The following NNT variants were observed in gnomAD, a reference collection of about 807,000 sequenced individuals.
The protein encoded by NNT is NAD(P) transhydrogenase, mitochondrial.
A neutral mutation model predicts 104.8 loss-of-function variants in NNT; 50 were observed. That is an observed-to-expected ratio of 0.48 (90% confidence interval 0.38 to 0.60). The LOEUF (loss-of-function observed/expected upper bound fraction) is 0.60, where lower values mean the gene tolerates loss of function less well. Among genes scored for constraint, NNT ranks in the 20% least tolerant of loss-of-function variants. The probability of loss-of-function intolerance (pLI) is 0.00; values close to 1 mark genes in which losing one functional copy is unlikely to be tolerated. For synonymous variants in NNT, 461 were observed against 490.4 expected (o/e 0.94, Z 0.79); for missense variants, 1,131 against 1,330.7 (o/e 0.85, Z 2.33).
At chr5:43,652,527 AT>A (rs35863403) in intron 13 of NNT, among the ~76,000 whole-genome samples, 5,768 of 143,232 alleles carry the variant, frequency 0.04, 227 homozygotes, top group African/African-American at 0.11. Flanking sequence ...TGAATGAACA[AT>A]TTTTTTTTTT....
At chr5:43,668,244 G>T (rs1276469233) in intron 17 of NNT, among the ~76,000 whole-genome samples, 5 of 138,326 alleles carry the variant, frequency 3.6e-5, no homozygotes, top group African/African-American at 8.0e-5. Context: ...TCTGATGGTG[G>T]TTTTTTTTTT....
intron 3 of NNT, 96 bp downstream of exon 3, chr5:43,613,233 T>C (rs1749596568): frequency 1.1e-6 from 1 of 931,108 alleles, no homozygotes; most frequent in Non-Finnish European, 1.6e-6. Flanking sequence ...GTTACACCTT[T>C]TCCTATTTTC....
At chr5:43,679,520 C>T (rs1741592187) in intron 19 of NNT, among the ~76,000 whole-genome samples, 1 of 151,958 alleles carries the variant, frequency 6.6e-6, no homozygotes, top group Non-Finnish European at 1.5e-5. Context: ...TGTAGTGTAG[C>T]TTGAAGGAAG....
At chr5:43,679,164 C>T (rs1741574561) in intron 19 of NNT, among the ~76,000 whole-genome samples, 1 of 152,036 alleles carries the variant, frequency 6.6e-6, no homozygotes, top group Non-Finnish European at 1.5e-5. Flanking sequence ...TTTTTAAAGC[C>T]ATCATTTTGC....
intron 7 of NNT, 130 bp from the exon 8 acceptor site, chr5:43,644,062 G>C (rs1004685282): frequency 1.3e-6 from 1 of 792,384 alleles, no homozygotes; most frequent in Non-Finnish European, 2.0e-6. Context: ...ATGGTCTTTA[G>C]GGGTCTCTTG....
At chr5:43,613,310 T>G (rs937431773) in intron 3 of NNT, 173 bp downstream of exon 3, 8 of 583,510 alleles carry the variant, frequency 1.4e-5, no homozygotes, top group Non-Finnish European at 1.8e-5. Context: ...AGTAAAACTT[T>G]TATCAGACAA....
rs1444156109 is a variant in NNT at position 43,700,208 on chromosome 5, A to G, written c.2966A>G (p.Glu989Gly). 1.2e-6 allele frequency: 2 copies of G among 1,613,432 alleles called. No homozygotes were observed. The highest frequency in any genetic ancestry group is 1.7e-6 in the Non-Finnish European group (2 of 1,179,594). Residue 989 changes from glutamate (E) to glycine (G), a missense_variant, in exon 20 of 22, where the codon GAA (glutamate) becomes GGA (glycine). Coordinates refer to ENST00000344920, the MANE Select transcript of NNT (RefSeq NM_182977.3). ...EAGVPYDIVL[E>G]MDEINHDFPD... ...GGTGTGCCATATGACATTGTGTTGG[A>G]AATGGATGAGATCAACCATGATTTT...
At chr5:43,649,376 C>T in intron 11 of NNT, 68 bp downstream of exon 11, 2 of 1,536,942 alleles carry the variant, frequency 1.3e-6, no homozygotes, top group South Asian at 1.2e-5. Flanking sequence ...GGAGGACTAT[C>T]AATGCCGTTT....
intron 19 of NNT, among the ~76,000 whole-genome samples, chr5:43,689,458 A>C (rs552183610): frequency 2.6e-5 from 4 of 152,166 alleles, no homozygotes; most frequent in African/African-American, 9.7e-5. Flanking sequence ...TGGTCATGAA[A>C]TCCTCACCTA....
chr5:43,685,315 G>A (rs1741926025), intron 19 of NNT, among the ~76,000 whole-genome samples: 1 of 152,108 alleles, frequency 6.6e-6, no homozygotes, highest in Admixed American at 6.6e-5. Flanking sequence ...TATTGGGAAG[G>A]CAGAATTCCA....
intron 7 of NNT, among the ~76,000 whole-genome samples, chr5:43,641,698 CTT>C (rs1751249094): frequency 6.6e-6 from 1 of 151,932 alleles, no homozygotes; most frequent in African/African-American, 2.4e-5. Flanking sequence ...TCTTGTGTGA[CTT>C]AAGTAAAATT....
intron 19 of NNT, among the ~76,000 whole-genome samples, chr5:43,684,107 G>A (rs902813479): frequency 1.3e-5 from 2 of 152,154 alleles, no homozygotes; most frequent in African/African-American, 4.8e-5. Flanking sequence ...GATGGAAAAT[G>A]TGACTGTAGC....
At chr5:43,666,732 C>G in intron 17 of NNT, 2 of 1,190,330 alleles carry the variant, frequency 1.7e-6, no homozygotes, top group Non-Finnish European at 2.3e-6. Flanking sequence ...GGGGGTCGCA[C>G]CAGTCCTTCT....
chr5:43,680,856 T>C (rs1046158194), intron 19 of NNT, among the ~76,000 whole-genome samples: 1 of 152,078 alleles, frequency 6.6e-6, no homozygotes, highest in Non-Finnish European at 1.5e-5. Context: ...TCTAAAAGGA[T>C]TTTATGACAA....
At chr5:43,604,086 A>C (rs1749077197) in intron 1 of NNT, among the ~76,000 whole-genome samples, 1 of 152,168 alleles carries the variant, frequency 6.6e-6, no homozygotes, top group African/African-American at 2.4e-5. Context: ...CCGTGACACC[A>C]GTGGCTTTGG....
chr5:43,676,692 A>C (rs983955499), intron 18 of NNT, among the ~76,000 whole-genome samples: 17 of 152,214 alleles, frequency 1.1e-4, no homozygotes, highest in Non-Finnish European at 2.4e-4. Flanking sequence ...AAAGATGTAG[A>C]GGACACAATC....
intron 19 of NNT, among the ~76,000 whole-genome samples, chr5:43,699,638 G>A (rs2112244521): frequency 6.6e-6 from 1 of 152,224 alleles, no homozygotes; most frequent in South Asian, 2.1e-4. Context: ...ACAGGCATTA[G>A]CCACCATGCC....
At chr5:43,616,125 C>T in intron 4 of NNT, 60 bp downstream of exon 4, 4 of 1,304,752 alleles carry the variant, frequency 3.1e-6, no homozygotes, top group Non-Finnish European at 4.3e-6. Flanking sequence ...AACCTTCACA[C>T]TGTAGCTCTT....
At chr5:43,658,304 CATGA>C (rs1272473935) in intron 16 of NNT, among the ~76,000 whole-genome samples, 1 of 152,004 alleles carries the variant, frequency 6.6e-6, no homozygotes, top group East Asian at 1.9e-4. Context: ...ATGAGTAATA[CATGA>C]ATATGCTCTC....
Sources: gnomAD v4.1 joint callset for allele counts (sites outside exome capture counted in the v4.1 genomes callset) on GRCh38, gnomAD v4.1.1 for gene constraint, MANE v1.5 for transcripts, NCBI Gene and HGNC (gene_info 2026-07-23, HGNC 2026-07-21) for gene names.